The following CDS1 variants were observed in gnomAD, a reference collection of about 807,000 sequenced individuals.
The protein encoded by CDS1 is phosphatidate cytidylyltransferase 1.
CDS1 carries 41 observed loss-of-function variants against 62.1 expected under a neutral mutation model. That is an observed-to-expected ratio of 0.66 (90% CI 0.51 to 0.86). The LOEUF (loss-of-function observed/expected upper bound fraction) is 0.86. CDS1 is among the 40% of genes least tolerant of loss of function. The probability of loss-of-function intolerance (pLI) is 0.00; values close to 1 mark genes in which losing one functional copy is unlikely to be tolerated. For missense variants in CDS1, 470 were observed against 550.1 expected, an observed-to-expected ratio of 0.85 and a Z score of 1.46; for synonymous variants, 185 against 192.6, an observed-to-expected ratio of 0.96 and a Z score of 0.32.
chr4:84,616,536 A>G (rs766766812), intron 3 of CDS1, among the ~76,000 whole-genome samples: 21 of 152,208 alleles, frequency 1.4e-4, no homozygotes, highest in Non-Finnish European at 2.9e-4. Context: ...GGAGCTGCAT[A>G]TGTTTCAGTC....
intron 5 of CDS1, among the ~76,000 whole-genome samples, chr4:84,626,038 A>G (rs1161590325): frequency 2.0e-5 from 3 of 151,980 alleles, no homozygotes; most frequent in African/African-American, 7.2e-5. Context: ...GTGGTGGTGC[A>G]TGCCTGTAAT....
chr4:84,593,497 G>A (rs1187990586), intron 1 of CDS1, among the ~76,000 whole-genome samples: 1 of 128,800 alleles, frequency 7.8e-6, no homozygotes, highest in Non-Finnish European at 1.7e-5. Context: ...CAGTTACAAG[G>A]TTTTTTTTGT....
At chr4:84,619,947 G>T (rs1444889265) in intron 5 of CDS1, among the ~76,000 whole-genome samples, 1 of 149,740 alleles carries the variant, frequency 6.7e-6, no homozygotes, top group Non-Finnish European at 1.5e-5. Flanking sequence ...CAGGAGAATC[G>T]CTTGAACCTG....
chr4:84,635,692 CTCCT>C (rs1454172663), intron 8 of CDS1, among the ~76,000 whole-genome samples: 1,383 of 80,628 alleles, frequency 0.017, 51 homozygotes, highest in African/African-American at 0.066. Flanking sequence ...CCTTCCTTCC[CTCCT>C]TCCCTCCCTC....
chr4:84,592,426 G>C (rs1722620685), intron 1 of CDS1, among the ~76,000 whole-genome samples: 1 of 152,078 alleles, frequency 6.6e-6, no homozygotes, highest in South Asian at 2.1e-4. Context: ...ACCTGTCTTG[G>C]CCTCCCAAAG....
intron 1 of CDS1, among the ~76,000 whole-genome samples, chr4:84,589,407 A>G (rs1722513382): frequency 6.6e-6 from 1 of 152,174 alleles, no homozygotes; most frequent in Non-Finnish European, 1.5e-5. Flanking sequence ...ACACTTCACT[A>G]CAGGTTGTGC....
chr4:84,644,576 G>A (rs566736337), intron 11 of CDS1, among the ~76,000 whole-genome samples: 1 of 152,292 alleles, frequency 6.6e-6, no homozygotes, highest in East Asian at 1.9e-4. Flanking sequence ...GTGCCTGAGT[G>A]AACTAGAAGA....
intron 1 of CDS1, among the ~76,000 whole-genome samples, chr4:84,599,717 T>C (rs1002709764): frequency 6.6e-6 from 1 of 152,112 alleles, no homozygotes; most frequent in Non-Finnish European, 1.5e-5. Context: ...ATGTATCAAT[T>C]GTTCACTTAT....
chr4:84,609,578 T>C, intron 3 of CDS1, 53 bp downstream of exon 3: 1 of 998,132 alleles, frequency 1.0e-6, no homozygotes, highest in Non-Finnish European at 1.6e-6. Flanking sequence ...TCAACATTTA[T>C]ATAGGATTGA....
chr4:84,608,955 G>C (rs926903991), intron 2 of CDS1, among the ~76,000 whole-genome samples: 2 of 151,880 alleles, frequency 1.3e-5, no homozygotes, highest in Admixed American at 1.3e-4. Context: ...GAGGCAAGCA[G>C]ATCATTAGGT....
At chr4:84,631,183 G>A (rs1436546718) in intron 5 of CDS1, among the ~76,000 whole-genome samples, 12 of 152,156 alleles carry the variant, frequency 7.9e-5, no homozygotes, top group Admixed American at 5.2e-4. Flanking sequence ...ATGGAACCAC[G>A]TGACTCTTAA....
chr4:84,583,772 T>G (rs1397871924), intron 1 of CDS1, among the ~76,000 whole-genome samples: 1 of 152,028 alleles, frequency 6.6e-6, no homozygotes. Flanking sequence ...CGGCTTACAG[T>G]TTAGCTTCAT....
At chr4:84,623,641 A>T (rs1723759467) in intron 5 of CDS1, among the ~76,000 whole-genome samples, 1 of 152,192 alleles carries the variant, frequency 6.6e-6, no homozygotes, top group South Asian at 2.1e-4. Flanking sequence ...ACCAGGATGG[A>T]ATACAAACTA....
chr4:84,600,906 C>T (rs1424571587), intron 1 of CDS1, among the ~76,000 whole-genome samples: 1 of 152,118 alleles, frequency 6.6e-6, no homozygotes, highest in Non-Finnish European at 1.5e-5. Context: ...CGGTGGCTCA[C>T]ACCTGTAATC....
intron 4 of CDS1, 22 bp from the exon 5 acceptor site, chr4:84,619,372 G>A: frequency 7.5e-7 from 1 of 1,340,230 alleles, no homozygotes; most frequent in East Asian, 2.5e-5. Flanking sequence ...ATATAGAAAA[G>A]CTAATTGTTT....
Position 84,633,840 on chromosome 4 carries a change from T to C in CDS1, c.640-17T>C. The C allele has an allele frequency of 1.3e-6, 2 of 1,561,304 alleles. No individual in the cohort carries two copies. Among genetic ancestry groups the C allele is most frequent in the Non-Finnish European group, 8.7e-7 (1 of 1,145,928 alleles). On this transcript the variant is annotated splice_polypyrimidine_tract_variant and intron_variant, in intron 6 of 12. Transcript: ENST00000295887. ...CAGTTGTGTTCACTAATTTTTGTAT[T>C]GTTGGGCTATTAACAGTTCGCATGG...
At chr4:84,587,949 C>T (rs1449073535) in intron 1 of CDS1, among the ~76,000 whole-genome samples, 1 of 152,184 alleles carries the variant, frequency 6.6e-6, no homozygotes, top group East Asian at 1.9e-4. Flanking sequence ...CAAGAGAGAA[C>T]CTTCAGAGAA....
At chr4:84,612,357 A>T (rs1028386283) in intron 3 of CDS1, among the ~76,000 whole-genome samples, 1 of 152,176 alleles carries the variant, frequency 6.6e-6, no homozygotes, top group South Asian at 2.1e-4. Context: ...TTGATCTAAG[A>T]TATCAGAAAC....
chr4:84,615,003 C>T (rs1029677334), intron 3 of CDS1, among the ~76,000 whole-genome samples: 2 of 152,112 alleles, frequency 1.3e-5, no homozygotes, highest in Non-Finnish European at 2.9e-5. Flanking sequence ...GACGGTATGG[C>T]CAGCTGTTTC....
Sources: gnomAD v4.1 joint callset for allele counts (sites outside exome capture counted in the v4.1 genomes callset) on GRCh38, gnomAD v4.1.1 for gene constraint, MANE v1.5 for transcripts, NCBI Gene and HGNC (gene_info 2026-07-23, HGNC 2026-07-21) for gene names.